The following HSD17B4 variants were observed in gnomAD, a reference collection of about 807,000 sequenced individuals.
HSD17B4 encodes the protein hydroxysteroid 17-beta dehydrogenase 4.
Under a neutral mutation model 101.0 loss-of-function variants are expected in HSD17B4, and 70 were observed. The ratio of observed to expected loss-of-function variants is 0.69; its 90% confidence interval spans 0.57 to 0.85. HSD17B4 has a LOEUF of 0.85. Ranked by LOEUF, HSD17B4 falls within the 40% of genes least tolerant of loss-of-function variation. The pLI, the probability that HSD17B4 is intolerant of heterozygous loss-of-function variation, is 0.00. For synonymous variants in HSD17B4, 347 were observed against 297.1 expected, an observed-to-expected ratio of 1.17 and a Z score of -1.73; for missense variants, 984 against 892.4, an observed-to-expected ratio of 1.10 and a Z score of -1.31.
intron 20 of HSD17B4, 53 bp downstream of exon 20, chr5:119,527,272 C>A (rs1435786039): frequency 1.1e-5 from 11 of 1,043,794 alleles, no homozygotes; most frequent in Non-Finnish European, 1.4e-5. Context: ...TGTGTTCCAT[C>A]TTACCATTTT....
chr5:119,487,901 G>A (rs901873626), intron 8 of HSD17B4, among the ~76,000 whole-genome samples: 3 of 151,940 alleles, frequency 2.0e-5, no homozygotes, highest in Non-Finnish European at 2.9e-5. Context: ...TTTTTTCCTC[G>A]TGCATATAAT....
At chr5:119,484,767 T>A (rs1561450538) in intron 8 of HSD17B4, among the ~76,000 whole-genome samples, 1 of 152,168 alleles carries the variant, frequency 6.6e-6, no homozygotes, top group Non-Finnish European at 1.5e-5. Flanking sequence ...TTTGCAGTCT[T>A]TGCCAAGAGC....
chr5:119,504,934 A>G (rs1751509545), intron 14 of HSD17B4, among the ~76,000 whole-genome samples: 1 of 152,114 alleles, frequency 6.6e-6, no homozygotes, highest in East Asian at 1.9e-4. Flanking sequence ...GTATATGATG[A>G]AAGGTGGGAG....
rs183972735 is a variant in HSD17B4 at position 119,478,708 on chromosome 5, C to T, written c.435-126C>T. ...TTATTTTAGTTACATAAATCATGAT[C>T]GTAAGAAGCTAATGACAGTACACAT... On this transcript the variant is annotated intron_variant, in intron 7 of 23. Transcript: ENST00000510025. The T allele has an allele frequency of 4.4e-4, 293 of 667,872 alleles. 2 individuals are homozygous for T. The highest frequency in any genetic ancestry group is 1.9e-3 in the African/African-American group (103 of 55,610). The allele number at this position is 667,872 out of a possible 1,614,324, so 41.4% of individuals were successfully genotyped here.
At chr5:119,517,925 G>T (rs1752780920) in intron 17 of HSD17B4, among the ~76,000 whole-genome samples, 1 of 152,170 alleles carries the variant, frequency 6.6e-6, no homozygotes, top group Non-Finnish European at 1.5e-5. Context: ...TTGATACTCT[G>T]TATCTAGCTA....
rs11949545 is a variant in HSD17B4 at position 119,452,911 on chromosome 5, C to G, written c.58+278C>G. 3.6e-3 allele frequency: 5,219 copies of G among 1,460,492 alleles called. 145 individuals are homozygous for G. The African/African-American group carries it at 0.065, about 18-fold the overall frequency. The allele number at this position is 1,460,492 out of a possible 1,614,324, so 90.5% of individuals were successfully genotyped here. On this transcript the variant is annotated intron_variant, in intron 1 of 23. Coordinates refer to ENST00000510025, the MANE Select transcript of HSD17B4 (RefSeq NM_000414.4). ...CCAGGCTGGGCTGCTGATTGCAAAACTGGGTGAAAGTTCTCCCTGACCCTT... is the reference window on the plus strand; with the variant it reads ...CCAGGCTGGGCTGCTGATTGCAAAAGTGGGTGAAAGTTCTCCCTGACCCTT...
chr5:119,474,783 A>T (rs1407302510), intron 4 of HSD17B4, among the ~76,000 whole-genome samples: 2 of 152,176 alleles, frequency 1.3e-5, no homozygotes, highest in African/African-American at 4.8e-5. Flanking sequence ...ATATTTTGGC[A>T]ATAGAGTACC....
At chr5:119,492,721 T>C (rs1327547011) in intron 10 of HSD17B4, 1 of 152,174 alleles carries the variant, frequency 6.6e-6, no homozygotes, top group South Asian at 2.1e-4. Context: ...AAATAACTAT[T>C]TAAATTAAAT....
intron 17 of HSD17B4, among the ~76,000 whole-genome samples, chr5:119,524,025 A>G (rs757688586): frequency 2.6e-5 from 4 of 152,092 alleles, no homozygotes; most frequent in Non-Finnish European, 5.9e-5. Flanking sequence ...ATCATGATAT[A>G]TATTTGCTAA....
At chr5:119,521,752 C>G (rs1753130812) in intron 17 of HSD17B4, among the ~76,000 whole-genome samples, 1 of 151,672 alleles carries the variant, frequency 6.6e-6, no homozygotes, top group African/African-American at 2.4e-5. Context: ...TCATGTATGT[C>G]ATCCATTTAT....
chr5:119,500,170 G>A (rs1246047191), intron 13 of HSD17B4, among the ~76,000 whole-genome samples: 1 of 151,982 alleles, frequency 6.6e-6, no homozygotes, highest in Non-Finnish European at 1.5e-5. Context: ...AGGTTATAAG[G>A]GAGTCAAGCA....
At chr5:119,462,567 T>C (rs942449724) in intron 2 of HSD17B4, among the ~76,000 whole-genome samples, 6 of 148,328 alleles carry the variant, frequency 4.0e-5, no homozygotes, top group African/African-American at 1.5e-4. Context: ...GTATAAGTTA[T>C]TATTATTACT....
rs780430704 is a variant in HSD17B4, at chr5:119,499,548, G to A, written c.1204G>A (p.Ala402Thr). Residue 402 changes from alanine (A) to threonine (T), a missense_variant, in exon 13 of 24, where the codon GCA becomes ACA. Transcript: ENST00000510025. ...AEIPGLSINF[A>T]KVLHGEQYLE... ...AATTCCTGGACTTTCAATCAACTTT[G>A]CAAAGGTATGCCTAATAAAAAACCT... The A allele has an allele frequency of 1.0e-5, 16 of 1,579,632 alleles. No individual in the cohort carries two copies. In the African/African-American group the frequency reaches 2.0e-4, roughly 20 times the overall value.
chr5:119,485,748 T>G (rs1749560775), intron 8 of HSD17B4, among the ~76,000 whole-genome samples: 3 of 152,190 alleles, frequency 2.0e-5, no homozygotes, highest in African/African-American at 7.2e-5. Context: ...TGTGTATAAC[T>G]TACATGTTTC....
chr5:119,524,223 A>G (rs978142969), intron 17 of HSD17B4, among the ~76,000 whole-genome samples: 1 of 152,112 alleles, frequency 6.6e-6, no homozygotes, highest in Non-Finnish European at 1.5e-5. Context: ...ATATGGAGTC[A>G]TGGGGAAGGA....
Position 119,489,250 on chromosome 5 carries a change from C to T in HSD17B4, c.681C>T (p.His227=), listed in dbSNP as rs371111330. 1.5e-4 allele frequency: 234 copies of T among 1,612,472 alleles called. No individual in the cohort carries two copies. The highest frequency in any genetic ancestry group is 1.9e-4 in the Non-Finnish European group (226 of 1,178,918). The change falls in exon 9 of 24, where the codon CAC becomes CAT. Residue 227 remains histidine (H), a synonymous_variant. Transcript: ENST00000510025. ...YVAPLVLWLC[H]ESCEENGGLF... is the part of the protein sequence containing the mutation. ...CACCTCTTGTCCTTTGGCTTTGTCACGAGAGTTGTGAGGAGAATGGTGGCT... is the reference window on the plus strand; with the variant it reads ...CACCTCTTGTCCTTTGGCTTTGTCATGAGAGTTGTGAGGAGAATGGTGGCT...
At position 119,542,127 on chromosome 5, in the gene HSD17B4, A is replaced by G. The variant is rs1226071784; in HGVS notation, c.*133A>G. The G allele has an allele frequency of 7.4e-6, 5 of 678,338 alleles. No homozygotes were observed. The highest frequency in any genetic ancestry group is 1.3e-5 in the Non-Finnish European group (5 of 372,820). 42.0% of individuals were successfully genotyped at this position (678,338 alleles called of 1,614,324 possible). A position where few individuals can be genotyped will look rare whatever the true frequency, so the allele number is the denominator to read the frequency against. On this transcript the variant is annotated 3_prime_UTR_variant, in exon 24 of 24. Transcript: ENST00000510025. ...GCTTAACATTTTCAGATATCAGATAACTGCAGATTTTCATTTTCTACTAAT... is the reference window on the plus strand; with the variant it reads ...GCTTAACATTTTCAGATATCAGATAGCTGCAGATTTTCATTTTCTACTAAT...
intron 1 of HSD17B4, among the ~76,000 whole-genome samples, chr5:119,455,503 T>A (rs1754525696): frequency 6.7e-6 from 1 of 148,660 alleles, no homozygotes; most frequent in South Asian, 2.1e-4. Flanking sequence ...GGCGACAGAG[T>A]GAGACTGGAT....
chr5:119,504,422 TCTGCAGCCTCACCAGCATC>T, intron 14 of HSD17B4, among the ~76,000 whole-genome samples: 1 of 152,220 alleles, frequency 6.6e-6, no homozygotes, highest in African/African-American at 2.4e-5. Context: ...TTCTGTTTTA[TCTGCAGCCTCACCAGCATC>T]TGTTATTTTT....
Sources: gnomAD v4.1 joint callset for allele counts (sites outside exome capture counted in the v4.1 genomes callset) on GRCh38, gnomAD v4.1.1 for gene constraint, MANE v1.5 for transcripts, NCBI Gene and HGNC (gene_info 2026-07-23, HGNC 2026-07-21) for gene names.